RSPH4A: variants seen among roughly 807,000 people sequenced by gnomAD.
RSPH4A encodes radial spoke head protein 4 homolog A.
A neutral mutation model predicts 71.0 loss-of-function variants in RSPH4A; 47 were observed. That is an observed-to-expected ratio of 0.66 (90% confidence interval 0.52 to 0.84). The LOEUF is 0.84. Ranked by LOEUF, RSPH4A falls within the 40% of genes least tolerant of loss-of-function variation. RSPH4A has a pLI of 0.00. For synonymous variants in RSPH4A, 282 were observed against 302.3 expected, an observed-to-expected ratio of 0.93 and a Z score of 0.70; for missense variants, 793 against 855.2, an observed-to-expected ratio of 0.93 and a Z score of 0.91.
At chr6:116,626,059 A>G (rs1298519980) in intron 2 of RSPH4A, among the ~76,000 whole-genome samples, 1 of 152,218 alleles carries the variant, frequency 6.6e-6, no homozygotes, top group Non-Finnish European at 1.5e-5. Flanking sequence ...TCAAGAAATA[A>G]GGGAGCAATT....
At chr6:116,624,609 C>T (rs1290219561) in intron 2 of RSPH4A, among the ~76,000 whole-genome samples, 1 of 152,154 alleles carries the variant, frequency 6.6e-6, no homozygotes, top group Non-Finnish European at 1.5e-5. Context: ...AAAAGCTCCA[C>T]CTCAGAAAGT....
At chr6:116,622,422 A>G (rs1775625357) in intron 1 of RSPH4A, among the ~76,000 whole-genome samples, 1 of 152,232 alleles carries the variant, frequency 6.6e-6, no homozygotes, top group Admixed American at 6.5e-5. Flanking sequence ...GTGCTCTAAA[A>G]TGTTTTTCTT....
At chr6:116,628,390 A>C in intron 3 of RSPH4A, 21 bp downstream of exon 3, 64 of 1,569,048 alleles carry the variant, frequency 4.1e-5, no homozygotes, top group Non-Finnish European at 5.0e-5. Flanking sequence ...TGCACTTCTC[A>C]ATCTATCAGG....
intron 3 of RSPH4A, 70 bp downstream of exon 3, chr6:116,628,439 A>C: frequency 8.3e-7 from 1 of 1,207,052 alleles, no homozygotes; most frequent in East Asian, 2.3e-5. Flanking sequence ...ACTATAATGC[A>C]CAAAGACATA....
chr6:116,626,335 A>C (rs1775691636), intron 2 of RSPH4A, among the ~76,000 whole-genome samples: 1 of 151,980 alleles, frequency 6.6e-6, no homozygotes, highest in Non-Finnish European at 1.5e-5. Context: ...TTTTTCACAA[A>C]TGTGTTTCTT....
At chr6:116,628,486 GA>G (rs1242697630) in intron 3 of RSPH4A, 117 bp downstream of exon 3, 3 of 803,060 alleles carry the variant, frequency 3.7e-6, no homozygotes, top group African/African-American at 1.7e-5. Flanking sequence ...TAATAGGCAG[GA>G]AAAGAGATAA....
intron 3 of RSPH4A, 22 bp from the exon 4 acceptor site, chr6:116,629,545 A>T: frequency 1.2e-6 from 2 of 1,611,726 alleles, no homozygotes; most frequent in Non-Finnish European, 1.7e-6. Flanking sequence ...AGACTACTAA[A>T]TCTTGCAACA....
chr6:116,623,040 G>A (rs1439335404), intron 2 of RSPH4A, 38 bp downstream of exon 2: 3 of 1,227,778 alleles, frequency 2.4e-6, no homozygotes, highest in Non-Finnish European at 3.6e-6. Flanking sequence ...TAAACCTTAG[G>A]ATTTTATTTG....
intron 1 of RSPH4A, 120 bp from the exon 2 acceptor site, chr6:116,622,644 TTTTG>T (rs974131617): frequency 1.5e-4 from 102 of 665,950 alleles, no homozygotes; most frequent in African/African-American, 1.4e-3. Context: ...AAGCTATATA[TTTTG>T]TTTTTTTCTT....
Position 116,616,958 on chromosome 6 carries a change from G to T in RSPH4A, c.335G>T (p.Arg112Met), listed in dbSNP as rs1775516311. The part of the protein sequence containing the change: ...QDLAAPPQSD[R>M]TTSVIPEAGT... ...CTCGCGGCACCACCTCAGTCGGACA[G>T]GACCACGAGTGTGATTCCTGAAGCT... is the stretch of plus-strand genomic sequence containing the variant. The change falls in exon 1 of 6, where the codon AGG (arginine) becomes ATG (methionine). Residue 112 changes from arginine to methionine, a missense_variant. Physicochemically the swap from Arg to Met is moderately conservative, Grantham distance 91. Transcript: ENST00000229554. 6.2e-7 allele frequency: 1 copy of T among 1,614,212 alleles called. No individual in the cohort carries two copies. Among genetic ancestry groups the T allele is most frequent in the Non-Finnish European group, 8.5e-7 (1 of 1,180,044 alleles).
In RSPH4A at chr6:116,632,498, G is replaced by A; in HGVS notation, c.*57G>A. On this transcript the variant is annotated 3_prime_UTR_variant, in exon 6 of 6. Transcript: ENST00000229554. ...ACTGATACACACACACCCCTTATATGGGACTAATTTTACACTTTTCTGTGT... is the reference window on the plus strand; with the variant it reads ...ACTGATACACACACACCCCTTATATAGGACTAATTTTACACTTTTCTGTGT... The A allele has an allele frequency of 6.4e-7, 1 of 1,560,278 alleles. No homozygotes were observed.
At chr6:116,617,501 T>C (rs1387063769) in intron 1 of RSPH4A, among the ~76,000 whole-genome samples, 192 bp downstream of exon 1, 2 of 149,270 alleles carry the variant, frequency 1.3e-5, no homozygotes, top group Non-Finnish European at 2.9e-5. Flanking sequence ...TTGTACCTTC[T>C]TTTTCTTAAC....
chr6:116,620,820 C>T (rs563012574), intron 1 of RSPH4A, among the ~76,000 whole-genome samples: 2 of 152,242 alleles, frequency 1.3e-5, no homozygotes, highest in South Asian at 4.1e-4. Flanking sequence ...TGCCCGATAA[C>T]CAACAGTGTT....
chr6:116,632,391 G>A lies in RSPH4A; in HGVS notation c.2101G>A (p.Glu701Lys), dbSNP rs140660854. The A allele has an allele frequency of 7.4e-6, 12 of 1,613,874 alleles. No homozygotes were observed. The highest frequency in any genetic ancestry group is 2.7e-5 in the African/African-American group (2 of 74,910). Reference protein sequence around the residue: ...AAQEAVLLAAENEESEEDEDE... With the variant: ...AAQEAVLLAAKNEESEEDEDE... ...ACAAGAAGCAGTTCTACTCGCAGCTGAGAATGAAGAATCTGAGGAAGATGA... is the reference window on the plus strand; with the variant it reads ...ACAAGAAGCAGTTCTACTCGCAGCTAAGAATGAAGAATCTGAGGAAGATGA... Residue 701 changes from glutamate (E) to lysine (K), a missense_variant, in exon 6 of 6, where the codon GAG becomes AAG. Glu to Lys is a moderately conservative substitution (Grantham distance 56). Transcript: ENST00000229554.
chr6:116,626,531 T>TG (rs1562391093), intron 2 of RSPH4A, among the ~76,000 whole-genome samples: 1 of 151,588 alleles, frequency 6.6e-6, no homozygotes, highest in Non-Finnish European at 1.5e-5. Flanking sequence ...TTAGTAGAGA[T>TG]GGGGTTTCAC....
chr6:116,623,123 T>TTGTTA (rs1775639235), intron 2 of RSPH4A, 121 bp downstream of exon 2: 7 of 745,674 alleles, frequency 9.4e-6, no homozygotes, highest in Non-Finnish European at 1.4e-5. Context: ...TTGTTTTGTT[T>TTGTTA]TGTTTAGACA....
At chr6:116,628,466 G>A in intron 3 of RSPH4A, 97 bp downstream of exon 3, 3 of 971,164 alleles carry the variant, frequency 3.1e-6, no homozygotes, top group South Asian at 1.4e-5. Flanking sequence ...AAAGGCCTTT[G>A]GACTCTATTT....
At position 116,628,499 on chromosome 6, in the gene RSPH4A, T is replaced by G. The variant is rs1583351195; in HGVS notation, c.1662+130T>G. Reference sequence around the variant, plus strand: ...TTTAATAGGCAGGAAAAGAGATAATTAAAAACACAGCCAAAAATGCAGAGT... The same window carrying G: ...TTTAATAGGCAGGAAAAGAGATAATGAAAAACACAGCCAAAAATGCAGAGT... On this transcript the variant is annotated intron_variant, in intron 3 of 5. Coordinates refer to ENST00000229554, the MANE Select transcript of RSPH4A (RefSeq NM_001010892.3). 1.4e-5 allele frequency: 10 copies of G among 738,896 alleles called. No homozygotes were observed. In the Middle Eastern group the frequency reaches 1.5e-3, roughly 111 times the overall value. The allele number at this position is 738,896 out of a possible 1,614,324, so 45.8% of individuals were successfully genotyped here.
At position 116,632,273 on chromosome 6, in the gene RSPH4A, TCCA is replaced by T; in HGVS notation, c.1990_1992del (p.Pro664del). On this transcript the variant is annotated inframe_deletion, in exon 6 of 6. Transcript: ENST00000229554. ...GTCCAGACAATTATACACCCCCAGT[TCCA>T]CCACCAGTTTATCAAGAATACCCCA... 1 of 1,612,894 alleles carries T rather than the reference TCCA, an allele frequency of 6.2e-7. No individual in the cohort carries two copies.
Sources: gnomAD v4.1 joint callset for allele counts (sites outside exome capture counted in the v4.1 genomes callset) on GRCh38, gnomAD v4.1.1 for gene constraint, MANE v1.5 for transcripts, NCBI Gene and HGNC (gene_info 2026-07-23, HGNC 2026-07-21) for gene names.